SCARA5: variants seen among roughly 807,000 people sequenced by gnomAD.
SCARA5 encodes the protein scavenger receptor class A, member 5 (putative).
SCARA5 carries 45 observed loss-of-function variants against 46.3 expected under a neutral mutation model. That is an observed-to-expected ratio of 0.97 (90% CI 0.76 to 1.24). The LOEUF (loss-of-function observed/expected upper bound fraction) is 1.24, where lower values mean the gene tolerates loss of function less well. Among genes scored for constraint, SCARA5 ranks in the 50% most tolerant of loss-of-function variants. The pLI, the probability that SCARA5 is intolerant of heterozygous loss-of-function variation, is 0.00. For missense variants in SCARA5, 680 were observed against 689.0 expected (o/e 0.99, Z 0.15); for synonymous variants, 333 against 306.5 (o/e 1.09, Z -0.90).
intron 3 of SCARA5, among the ~76,000 whole-genome samples, chr8:27,939,756 T>C (rs1807913263): frequency 6.6e-6 from 1 of 152,140 alleles, no homozygotes; most frequent in Non-Finnish European, 1.5e-5. Flanking sequence ...ATGTATTATG[T>C]TTCATGGGAT....
chr8:27,899,188 T>C (rs1807111648), intron 7 of SCARA5, among the ~76,000 whole-genome samples: 1 of 152,234 alleles, frequency 6.6e-6, no homozygotes, highest in African/African-American at 2.4e-5. Flanking sequence ...GGGCAGCCTG[T>C]GGGACTGAGC....
intron 5 of SCARA5, among the ~76,000 whole-genome samples, 196 bp from the exon 6 acceptor site, chr8:27,907,442 T>C (rs377202602): frequency 5.3e-5 from 8 of 152,160 alleles, no homozygotes; most frequent in Non-Finnish European, 1.0e-4. Context: ...ATGCACACCT[T>C]GTATCCATCA....
At chr8:27,882,782 A>G (rs535747056) in intron 7 of SCARA5, among the ~76,000 whole-genome samples, 2 of 152,350 alleles carry the variant, frequency 1.3e-5, no homozygotes, top group African/African-American at 2.4e-5. Flanking sequence ...GGCAAATTAT[A>G]TCAAGTGCCA....
At chr8:27,984,426 A>T (rs1174039182) in intron 2 of SCARA5, among the ~76,000 whole-genome samples, 2 of 152,142 alleles carry the variant, frequency 1.3e-5, no homozygotes, top group East Asian at 3.8e-4. Flanking sequence ...GTAGATGGTG[A>T]ATGCTTTGCC....
At chr8:27,913,702 C>CCAT (rs1807415325) in intron 4 of SCARA5, among the ~76,000 whole-genome samples, 1 of 152,172 alleles carries the variant, frequency 6.6e-6, no homozygotes, top group South Asian at 2.1e-4. Flanking sequence ...GCTGTCTGAT[C>CCAT]CATCTCTCTG....
intron 4 of SCARA5, among the ~76,000 whole-genome samples, chr8:27,919,296 A>G (rs1807544200): frequency 6.6e-6 from 1 of 151,694 alleles, no homozygotes; most frequent in African/African-American, 2.4e-5. Context: ...GAGGATGAGG[A>G]GGGCCCTGCA....
chr8:27,879,494 C>T (rs1163146593), intron 8 of SCARA5, 75 bp downstream of exon 8: 20 of 1,429,648 alleles, frequency 1.4e-5, no homozygotes, highest in Admixed American at 1.7e-5. Flanking sequence ...GGAAGGGACT[C>T]GGGCTTTGGA....
chr8:27,958,795 TG>T (rs1261355750), intron 3 of SCARA5, among the ~76,000 whole-genome samples: 1 of 152,164 alleles, frequency 6.6e-6, no homozygotes, highest in Non-Finnish European at 1.5e-5. Flanking sequence ...TGACACGCAA[TG>T]GGGGAGCACC....
At chr8:27,988,764 T>C (rs926396516) in intron 1 of SCARA5, among the ~76,000 whole-genome samples, 4 of 152,256 alleles carry the variant, frequency 2.6e-5, no homozygotes, top group African/African-American at 9.6e-5. Flanking sequence ...CATGAGTTTA[T>C]CTTGACCTTT....
At chr8:27,917,791 T>C (rs56332590) in intron 4 of SCARA5, among the ~76,000 whole-genome samples, 3,986 of 152,312 alleles carry the variant, frequency 0.026, 181 homozygotes, top group African/African-American at 0.09. Context: ...ATTAGTTAGT[T>C]CCTGAACACT....
chr8:27,891,068 G>A (rs376979007), intron 7 of SCARA5, among the ~76,000 whole-genome samples: 1 of 152,090 alleles, frequency 6.6e-6, no homozygotes, highest in East Asian at 1.9e-4. Flanking sequence ...ACTGTCCCAT[G>A]GGCCTCTCAG....
rs375838700 is a variant in SCARA5, at chr8:27,922,249, C to A, written c.242-4G>T. The stretch of plus-strand genomic sequence containing the variant: ...GGGGAGCTGCGCGGCCTGGACACTG[C>A]GGAGGAGGAAGAGGGGAGACTTGAG... On this transcript the variant is annotated splice_polypyrimidine_tract_variant and splice_region_variant and intron_variant, in intron 3 of 8. Coordinates refer to ENST00000354914, the MANE Select transcript of SCARA5 (RefSeq NM_173833.6). The A allele has an allele frequency of 3.4e-5, 52 of 1,515,706 alleles. 1 individual carries two copies. Among genetic ancestry groups the A allele is most frequent in the Non-Finnish European group, 4.4e-5 (50 of 1,130,802 alleles). The allele number at this position is 1,515,706 out of a possible 1,614,324, so 93.9% of individuals were successfully genotyped here.
intron 4 of SCARA5, among the ~76,000 whole-genome samples, chr8:27,919,282 G>A (rs945978312): frequency 7.0e-6 from 1 of 142,074 alleles, no homozygotes; most frequent in African/African-American, 3.1e-5. Context: ...AAGAGGTGAA[G>A]GAGGAGGATG....
chr8:27,940,045 C>T lies in SCARA5; in HGVS notation c.242-17800G>A, dbSNP rs148666762. Among the ~76,000 whole-genome samples the T allele has an allele frequency of 1.1e-4, 17 of 152,356 alleles. No homozygotes were observed. The East Asian group carries it at 3.1e-3, about 28-fold the overall frequency. ...CAGTGAGGGCGGCAAGCATGTTTCT[C>T]TGCTTCTATCTTTCTGGACAATTTG... On this transcript the variant is annotated intron_variant, in intron 3 of 8. Coordinates refer to ENST00000354914, the MANE Select transcript of SCARA5 (RefSeq NM_173833.6).
At chr8:27,905,523 T>TGGCGGGGGGGGGGGG (rs751627046) in intron 6 of SCARA5, among the ~76,000 whole-genome samples, 1 of 53,636 alleles carries the variant, frequency 1.9e-5, no homozygotes, top group African/African-American at 5.0e-5. Context: ...ATCCAAGATT[T>TGGCGGGGGGGGGGGG]GGGGGGGGGA....
chr8:27,974,788 G>A (rs932463016), intron 2 of SCARA5, among the ~76,000 whole-genome samples: 1 of 152,006 alleles, frequency 6.6e-6, no homozygotes, highest in Non-Finnish European at 1.5e-5. Context: ...CACTGCCACC[G>A]AGAGCCACCC....
intron 7 of SCARA5, among the ~76,000 whole-genome samples, chr8:27,898,117 C>T (rs1807094343): frequency 6.6e-6 from 1 of 152,252 alleles, no homozygotes; most frequent in Admixed American, 6.5e-5. Flanking sequence ...CGCCTCTGCA[C>T]ATCCTTATTT....
intron 3 of SCARA5, among the ~76,000 whole-genome samples, chr8:27,959,694 C>T (rs1808264684): frequency 1.3e-5 from 2 of 152,122 alleles, no homozygotes; most frequent in African/African-American, 4.8e-5. Context: ...TTTGTTCCGG[C>T]AAGAAGAACT....
intron 4 of SCARA5, among the ~76,000 whole-genome samples, chr8:27,914,195 T>A (rs946067221): frequency 9.2e-5 from 14 of 152,234 alleles, no homozygotes; most frequent in African/African-American, 3.4e-4. Flanking sequence ...CCTTTGCTCC[T>A]CCTTCACCTC....
Sources: allele counts gnomAD v4.1 joint callset (sites outside exome capture counted in the v4.1 genomes callset), GRCh38; gene constraint gnomAD v4.1.1; transcripts MANE v1.5; gene names NCBI Gene and HGNC (gene_info 2026-07-23, HGNC 2026-07-21).